Variants in PPP2R2A observed in about 807,000 individuals in gnomAD.
PPP2R2A encodes the protein protein phosphatase 2 regulatory subunit Balpha, also known as serine/threonine-protein phosphatase 2A 55 kDa regulatory subunit B alpha isoform.
In PPP2R2A, 9 loss-of-function variants were observed where a neutral mutation model predicts 53.2. That is an observed-to-expected ratio of 0.17 (90% CI 0.10 to 0.30). The LOEUF is 0.30. PPP2R2A is among the 10% of genes least tolerant of loss of function. PPP2R2A has a pLI of 1.00. For missense variants in PPP2R2A, 235 were observed against 534.6 expected, an observed-to-expected ratio of 0.44 and a Z score of 5.53; for synonymous variants, 169 against 174.2, an observed-to-expected ratio of 0.97 and a Z score of 0.23.
intron 3 of PPP2R2A, among the ~76,000 whole-genome samples, chr8:26,343,674 G>T (rs1420882093): frequency 6.6e-6 from 1 of 152,056 alleles, no homozygotes; most frequent in African/African-American, 2.4e-5. Context: ...CACCGTGCCT[G>T]GCCAGAATGT....
intron 2 of PPP2R2A, among the ~76,000 whole-genome samples, chr8:26,327,068 C>T (rs555160641): frequency 3.4e-4 from 52 of 152,222 alleles, no homozygotes; most frequent in Admixed American, 1.2e-3. Context: ...CCTTGTGGAC[C>T]CTGAGAATGT....
intron 3 of PPP2R2A, chr8:26,339,760 AAGT>A (rs1803852574): frequency 1.3e-5 from 2 of 152,112 alleles, no homozygotes; most frequent in Admixed American, 1.3e-4. Context: ...TATATTTAAA[AAGT>A]TTAAAGTAAT....
chr8:26,344,114 A>G (rs1276183603), intron 3 of PPP2R2A, among the ~76,000 whole-genome samples: 4 of 152,356 alleles, frequency 2.6e-5, no homozygotes, highest in East Asian at 1.9e-4. Flanking sequence ...CCTGATTTCT[A>G]CTGCATGGCT....
At chr8:26,291,861 C>T (rs1199060464) in intron 1 of PPP2R2A, 35 bp downstream of exon 1, 5 of 1,607,356 alleles carry the variant, frequency 3.1e-6, no homozygotes, top group Non-Finnish European at 4.2e-6. Flanking sequence ...CCTGACAAGG[C>T]ACCGCTTCCT....
Position 26,338,250 on chromosome 8 carries a change from CTG to C in PPP2R2A, c.83-637_83-636del, listed in dbSNP as rs1563308180. On this transcript the variant is annotated intron_variant, in intron 2 of 9. Coordinates refer to ENST00000380737, the MANE Select transcript of PPP2R2A (RefSeq NM_002717.4). The surrounding 1 kb of genome is among the most constrained non-coding windows in gnomAD (Gnocchi z 4.5). ...ACTTGACAGTTTTCTTTGATCATGA[CTG>C]TGAAGTCAGCACTGAGCTGGTAGAA... Among the ~76,000 whole-genome samples the C allele has an allele frequency of 6.6e-6, 1 of 152,148 alleles. No homozygotes were observed. Among genetic ancestry groups the C allele is most frequent in the Non-Finnish European group, 1.5e-5 (1 of 68,030 alleles).
chr8:26,318,078 T>A (rs1056748215), intron 2 of PPP2R2A, among the ~76,000 whole-genome samples: 1 of 152,172 alleles, frequency 6.6e-6, no homozygotes, highest in Non-Finnish European at 1.5e-5. Flanking sequence ...TGTGGTTTTT[T>A]GGGTTCTGAG....
At chr8:26,369,828 T>G (rs1253972727) in intron 9 of PPP2R2A, among the ~76,000 whole-genome samples, 3 of 152,230 alleles carry the variant, frequency 2.0e-5, no homozygotes, top group African/African-American at 7.2e-5. Flanking sequence ...GCCTGGTTGA[T>G]CACATAGCCT....
intron 6 of PPP2R2A, among the ~76,000 whole-genome samples, chr8:26,361,750 A>C (rs1369563802): frequency 1.3e-5 from 2 of 152,102 alleles, no homozygotes; most frequent in African/African-American, 4.8e-5. Flanking sequence ...ACCTAAGGTC[A>C]GTAGTTCAAA....
chr8:26,301,433 A>G (rs1393172162), intron 2 of PPP2R2A, among the ~76,000 whole-genome samples: 1 of 151,594 alleles, frequency 6.6e-6, no homozygotes, highest in Non-Finnish European at 1.5e-5. Context: ...CCCAGGCTCA[A>G]GCGATCCTCC....
chr8:26,307,416 C>T (rs1284836214), intron 2 of PPP2R2A, among the ~76,000 whole-genome samples: 1 of 152,148 alleles, frequency 6.6e-6, no homozygotes, highest in African/African-American at 2.4e-5. Context: ...GACTGTACTA[C>T]ACATTATAGA....
chr8:26,293,194 G>A (rs1801384868), intron 1 of PPP2R2A: 3 of 1,525,126 alleles, frequency 2.0e-6, no homozygotes, highest in African/African-American at 2.7e-5. Context: ...TTTGCTGTGT[G>A]TGCACTTTGG....
chr8:26,354,443 C>T lies in PPP2R2A; in HGVS notation c.181-25C>T. 6.8e-7 allele frequency: 1 copy of T among 1,475,546 alleles called. No homozygotes were observed. Among genetic ancestry groups the T allele is most frequent in the Admixed American group, 2.2e-5 (1 of 46,478 alleles). The allele number at this position is 1,475,546 out of a possible 1,614,324, so 91.4% of individuals were successfully genotyped here. A position where few individuals can be genotyped will look rare whatever the true frequency, so the allele number is the denominator to read the frequency against. ...TTTTGAAATATTTTTCAACAATGGT[C>T]CATATATTTTTGTTTTCATTTTAGA... On this transcript the variant is annotated intron_variant, in intron 3 of 9. Coordinates refer to ENST00000380737, the MANE Select transcript of PPP2R2A (RefSeq NM_002717.4). The surrounding 1 kb of genome is among the most constrained non-coding windows in gnomAD (Gnocchi z 4.6).
intron 4 of PPP2R2A, among the ~76,000 whole-genome samples, chr8:26,356,198 A>C (rs1804774435): frequency 6.6e-6 from 1 of 152,196 alleles, no homozygotes. Context: ...TATATACTTA[A>C]ATGACTTCAG....
chr8:26,357,900 T>C (rs190328458), intron 4 of PPP2R2A, among the ~76,000 whole-genome samples: 2 of 152,110 alleles, frequency 1.3e-5, no homozygotes, highest in African/African-American at 4.8e-5. Flanking sequence ...CTGAAAACTG[T>C]GTTTTTACAT....
chr8:26,370,589 T>G lies in PPP2R2A; in HGVS notation c.*176T>G, dbSNP rs1585421502. 1 of 728,050 alleles carries G rather than the reference T, an allele frequency of 1.4e-6. No homozygotes were observed. Among genetic ancestry groups the G allele is most frequent in the Non-Finnish European group, 2.2e-6 (1 of 453,936 alleles). The allele number at this position is 728,050 out of a possible 1,614,324, so 45.1% of individuals were successfully genotyped here. A position where few individuals can be genotyped will look rare whatever the true frequency, so the allele number is the denominator to read the frequency against. On this transcript the variant is annotated 3_prime_UTR_variant, in exon 10 of 10. Transcript: ENST00000380737. The surrounding 1 kb of genome is among the most constrained non-coding windows in gnomAD (Gnocchi z 6.1). ...GGAGAAAGCTCTGTGGATTCATCAC[T>G]GTGGTGTTCTCCATGTCTGCTAGCC...
intron 2 of PPP2R2A, among the ~76,000 whole-genome samples, chr8:26,318,497 T>G (rs941448741): frequency 1.1e-4 from 16 of 152,210 alleles, no homozygotes; most frequent in Non-Finnish European, 2.2e-4. Flanking sequence ...AACAAGATTG[T>G]CTATGAATGT....
At chr8:26,323,507 G>T (rs1399253328) in intron 2 of PPP2R2A, among the ~76,000 whole-genome samples, 2 of 152,184 alleles carry the variant, frequency 1.3e-5, no homozygotes, top group African/African-American at 4.8e-5. Flanking sequence ...CTGTGCCTCT[G>T]ACCAAGTGGC....
At chr8:26,323,438 G>A (rs960269836) in intron 2 of PPP2R2A, among the ~76,000 whole-genome samples, 8 of 152,148 alleles carry the variant, frequency 5.3e-5, no homozygotes, top group Non-Finnish European at 1.0e-4. Flanking sequence ...GAGGGGGCTC[G>A]GTCCCACAAG....
chr8:26,322,377 G>A (rs780800710), intron 2 of PPP2R2A, among the ~76,000 whole-genome samples: 17 of 152,198 alleles, frequency 1.1e-4, no homozygotes, highest in Admixed American at 3.9e-4. Flanking sequence ...GTGACTAGTG[G>A]CTACTGTACT....
Sources: gnomAD v4.1 joint callset for allele counts (sites outside exome capture counted in the v4.1 genomes callset) on GRCh38, gnomAD v4.1.1 for gene constraint, Gnocchi (gnomAD v3.1) non-coding constraint, MANE v1.5 for transcripts, NCBI Gene and HGNC (gene_info 2026-07-23, HGNC 2026-07-21) for gene names.